UGT3A2: variants seen among roughly 807,000 people sequenced by gnomAD.
UGT3A2 encodes UDP-glycosyltransferase 3A2.
Under a neutral mutation model 39.8 loss-of-function variants are expected in UGT3A2, and 32 were observed. The observed-to-expected ratio is 0.80, with a 90% CI of 0.61 to 1.08. The LOEUF is 1.08. Among genes scored for constraint, UGT3A2 ranks in the 50% least tolerant of loss-of-function variants. UGT3A2 has a pLI of 0.00. For missense variants in UGT3A2, 611 were observed against 637.1 expected (o/e 0.96, Z 0.44); for synonymous variants, 241 against 230.7 (o/e 1.04, Z -0.40).
At chr5:36,047,483 C>T (rs1742202355) in intron 4 of UGT3A2, among the ~76,000 whole-genome samples, 1 of 152,186 alleles carries the variant, frequency 6.6e-6, no homozygotes, top group Non-Finnish European at 1.5e-5. Context: ...CAGGGGCTCA[C>T]CCCAGCTCCC....
At chr5:36,048,446 G>C (rs1299891881) in intron 4 of UGT3A2, among the ~76,000 whole-genome samples, 1 of 152,164 alleles carries the variant, frequency 6.6e-6, no homozygotes, top group Non-Finnish European at 1.5e-5. Context: ...AGTTCTTGCT[G>C]TCAGACCCAA....
rs1218448237 is a variant in UGT3A2 at position 36,049,276 on chromosome 5, G to A, written c.456C>T (p.Phe152=). The A allele has an allele frequency of 6.2e-7, 1 of 1,614,148 alleles. No homozygotes were observed. The highest frequency in any genetic ancestry group is 1.7e-5 in the Admixed American group (1 of 60,018). The part of the protein sequence containing the change: ...VIVETFDYCP[F]LIAEKLGKPF... The stretch of plus-strand genomic sequence containing the variant: ...GCTTCCCAAGCTTCTCAGCAATCAG[G>A]AAAGGACAGTAGTCAAAAGTTTCAA... Residue 152 remains phenylalanine, a synonymous_variant, in exon 4 of 7, where the codon TTC becomes TTT. Transcript: ENST00000282507.
intron 2 of UGT3A2, among the ~76,000 whole-genome samples, chr5:36,052,256 T>G (rs1282333720): frequency 6.6e-6 from 1 of 152,252 alleles, no homozygotes; most frequent in Non-Finnish European, 1.5e-5. Context: ...GTATAGTTTG[T>G]GTTTAAATAC....
chr5:36,040,980 A>G (rs1270068494), intron 4 of UGT3A2, among the ~76,000 whole-genome samples: 1 of 152,220 alleles, frequency 6.6e-6, no homozygotes, highest in African/African-American at 2.4e-5. Context: ...TTAAGCACCA[A>G]GGAGAATCCT....
chr5:36,054,980 C>T (rs1742459278), intron 2 of UGT3A2, among the ~76,000 whole-genome samples: 1 of 152,074 alleles, frequency 6.6e-6, no homozygotes, highest in Non-Finnish European at 1.5e-5. Context: ...TCTCCTCATA[C>T]CTTTTAGTCC....
intron 4 of UGT3A2, among the ~76,000 whole-genome samples, chr5:36,042,305 G>A (rs546707650): frequency 6.6e-6 from 1 of 152,136 alleles, no homozygotes; most frequent in African/African-American, 2.4e-5. Context: ...TCAAAGTTAA[G>A]TTGTCATCAG....
At chr5:36,050,047 T>C (rs1044553260) in intron 3 of UGT3A2, among the ~76,000 whole-genome samples, 6 of 151,586 alleles carry the variant, frequency 4.0e-5, no homozygotes, top group Non-Finnish European at 7.4e-5. Context: ...TGAAACGCAT[T>C]ATTTTTTTCT....
chr5:36,047,040 T>C (rs1742189935), intron 4 of UGT3A2, among the ~76,000 whole-genome samples: 1 of 152,200 alleles, frequency 6.6e-6, no homozygotes, highest in South Asian at 2.1e-4. Context: ...CTCTGTCCTA[T>C]TGTTTCACTA....
chr5:36,043,152 A>T (rs1442404207), intron 4 of UGT3A2, among the ~76,000 whole-genome samples: 1 of 152,118 alleles, frequency 6.6e-6, no homozygotes, highest in Non-Finnish European at 1.5e-5. Flanking sequence ...CTTTTAAGAA[A>T]TTCAAAAAAA....
chr5:36,042,163 A>C (rs1742029594), intron 4 of UGT3A2, among the ~76,000 whole-genome samples: 1 of 152,012 alleles, frequency 6.6e-6, no homozygotes. Context: ...ATCAAGCAGA[A>C]GAAAGAATAA....
At position 36,039,533 on chromosome 5, in the gene UGT3A2, A is replaced by G; in HGVS notation, c.1019T>C (p.Val340Ala). ...AATTTTCACATTTGCAGCCAGGTGG[A>G]CATCTTTGGGCCAATGAGAACACTG... ...KCQCSHWPKD[V>A]HLAANVKIVD... The change falls in exon 5 of 7, where the codon GTC becomes GCC. Residue 340 changes from valine (V) to alanine (A), a missense_variant. By Grantham distance (64) the Val-to-Ala change is moderately conservative. Coordinates refer to ENST00000282507, the MANE Select transcript of UGT3A2 (RefSeq NM_174914.4). 6.2e-7 allele frequency: 1 copy of G among 1,614,194 alleles called. No homozygotes were observed. The highest frequency in any genetic ancestry group is 8.5e-7 in the Non-Finnish European group (1 of 1,180,036).
At chr5:36,059,771 C>T (rs957805936) in intron 2 of UGT3A2, among the ~76,000 whole-genome samples, 1 of 152,198 alleles carries the variant, frequency 6.6e-6, no homozygotes, top group Admixed American at 6.5e-5. Flanking sequence ...GGAGCAGATG[C>T]TTCAGCAACA....
chr5:36,066,803 G>C lies in UGT3A2; in HGVS notation c.-14C>G, dbSNP rs1390734476. 6.2e-7 allele frequency: 1 copy of C among 1,614,132 alleles called. No individual in the cohort carries two copies. The highest frequency in any genetic ancestry group is 8.5e-7 in the Non-Finnish European group (1 of 1,179,994). On this transcript the variant is annotated 5_prime_UTR_variant, in exon 1 of 7. Coordinates refer to ENST00000282507, the MANE Select transcript of UGT3A2 (RefSeq NM_174914.4). ...CTGCCCAGCCATGCTCACTTCTACG[G>C]AAGCCGCGGATCTCAGCCTGGGCTG...
At chr5:36,065,242 G>C (rs575822252) in intron 1 of UGT3A2, among the ~76,000 whole-genome samples, 1 of 152,130 alleles carries the variant, frequency 6.6e-6, no homozygotes, top group Non-Finnish European at 1.5e-5. Flanking sequence ...CGGGGTGGGG[G>C]TGGAAGGGAG....
chr5:36,058,350 T>A (rs538103725), intron 2 of UGT3A2, among the ~76,000 whole-genome samples: 29 of 152,304 alleles, frequency 1.9e-4, no homozygotes, highest in African/African-American at 6.5e-4. Flanking sequence ...AATATGGTTA[T>A]CAGGGGCTGA....
At chr5:36,044,791 T>A (rs1257740251) in intron 4 of UGT3A2, among the ~76,000 whole-genome samples, 1 of 152,074 alleles carries the variant, frequency 6.6e-6, no homozygotes, top group Non-Finnish European at 1.5e-5. Context: ...AAAAGATCTC[T>A]CCAATAAAAA....
At chr5:36,047,066 TA>T (rs1257611306) in intron 4 of UGT3A2, among the ~76,000 whole-genome samples, 1 of 152,242 alleles carries the variant, frequency 6.6e-6, no homozygotes, top group African/African-American at 2.4e-5. Flanking sequence ...GACTAAGGCA[TA>T]AGTGATTATT....
intron 4 of UGT3A2, among the ~76,000 whole-genome samples, chr5:36,047,800 T>C (rs1013962922): frequency 6.6e-6 from 1 of 152,144 alleles, no homozygotes; most frequent in Non-Finnish European, 1.5e-5. Flanking sequence ...TCCCCACAGC[T>C]TTACTCATGC....
chr5:36,059,862 T>C (rs1198583113), intron 2 of UGT3A2, among the ~76,000 whole-genome samples: 1 of 152,190 alleles, frequency 6.6e-6, no homozygotes, highest in African/African-American at 2.4e-5. Context: ...GGTATGTTTG[T>C]GTTTTCACAG....
Sources: allele counts gnomAD v4.1 joint callset (sites outside exome capture counted in the v4.1 genomes callset), GRCh38; gene constraint gnomAD v4.1.1; transcripts MANE v1.5; gene names NCBI Gene and HGNC (gene_info 2026-07-23, HGNC 2026-07-21).